SPATA6L: variants seen among roughly 807,000 people sequenced by gnomAD.
The protein encoded by SPATA6L is spermatogenesis associated 6-like protein.
In SPATA6L, 68 loss-of-function variants were observed where a neutral mutation model predicts 49.2. The observed-to-expected ratio is 1.38, with a 90% CI of 1.14 to 1.69. The LOEUF is 1.69. Ranked by LOEUF, SPATA6L falls within the 40% of genes most tolerant of loss-of-function variation. SPATA6L has a pLI of 0.00. For missense variants in SPATA6L, 668 were observed against 464.3 expected (o/e 1.44, Z -4.03); for synonymous variants, 198 against 165.7 (o/e 1.19, Z -1.50).
At chr9:4,616,783 C>T (rs923931053) in intron 9 of SPATA6L, among the ~76,000 whole-genome samples, 8 of 152,296 alleles carry the variant, frequency 5.3e-5, no homozygotes, top group South Asian at 2.1e-4. Context: ...CAGGGTTTCT[C>T]CATGTTGGTC....
At chr9:4,663,341 C>T (rs905406469) in intron 1 of SPATA6L, 3 of 1,432,016 alleles carry the variant, frequency 2.1e-6, no homozygotes, top group Non-Finnish European at 2.9e-6. Flanking sequence ...CAGCAGCCAT[C>T]CCGCTTGTCC....
intron 5 of SPATA6L, chr9:4,628,688 C>T (rs1032461515): frequency 2.4e-5 from 4 of 166,040 alleles, no homozygotes; most frequent in South Asian, 1.6e-4. Flanking sequence ...CTCAGGTGAT[C>T]CACCTGCCTC....
rs760841863 is a variant in SPATA6L, at chr9:4,662,410, C to G, written c.40-374G>C. On this transcript the variant is annotated intron_variant, in intron 1 of 11. Transcript: ENST00000682582. The surrounding 1 kb of genome is among the most constrained non-coding windows in gnomAD (Gnocchi z 4.9). The stretch of plus-strand genomic sequence containing the variant: ...CCCCGGAGGAGCATGGAGGGACGGC[C>G]GCTGGGCGTCTCCGCTTCGAGCAGC... The G allele has an allele frequency of 2.6e-6, 4 of 1,536,326 alleles. No homozygotes were observed. Among genetic ancestry groups the G allele is most frequent in the Non-Finnish European group, 3.5e-6 (4 of 1,149,396 alleles).
chr9:4,605,935 C>T (rs535234328), intron 9 of SPATA6L, among the ~76,000 whole-genome samples: 162 of 152,200 alleles, frequency 1.1e-3, no homozygotes, highest in Non-Finnish European at 2.0e-3. Flanking sequence ...AGACAGTGGG[C>T]GCAGGCCAGT....
At chr9:4,622,632 G>T in intron 6 of SPATA6L, 122 bp from the exon 7 acceptor site, 1 of 653,106 alleles carries the variant, frequency 1.5e-6, no homozygotes, top group East Asian at 2.7e-5. Context: ...AAGAAGGCTG[G>T]AAAACCACCT....
intron 5 of SPATA6L, chr9:4,627,765 A>G: frequency 1.6e-6 from 2 of 1,289,376 alleles, no homozygotes; most frequent in South Asian, 1.2e-5. Flanking sequence ...AAGACGGACC[A>G]TGAATACAAT....
intron 6 of SPATA6L, among the ~76,000 whole-genome samples, chr9:4,623,933 C>G (rs968865089): frequency 1.3e-5 from 2 of 152,164 alleles, no homozygotes; most frequent in Admixed American, 6.5e-5. Flanking sequence ...TCCAGGCCAC[C>G]AAGCAACAGC....
intron 3 of SPATA6L, among the ~76,000 whole-genome samples, chr9:4,649,142 G>C (rs1836219501): frequency 6.6e-6 from 1 of 151,886 alleles, no homozygotes; most frequent in Non-Finnish European, 1.5e-5. Flanking sequence ...CATTTGGATT[G>C]GTTCCACATT....
Position 4,616,864 on chromosome 9 carries a change from C to A in SPATA6L, c.995+1059G>T, listed in dbSNP as rs142788851. ...CCTCCCAAACTGCTGGGATTATAGG[C>A]ATGAGCCACCGTGCCCAGCCGGAGC... On this transcript the variant is annotated intron_variant, in intron 9 of 11. Coordinates refer to ENST00000682582, the MANE Select transcript of SPATA6L (RefSeq NM_001353486.2). 6.2e-3 allele frequency among the ~76,000 whole-genome samples: 949 copies of A among 152,270 alleles called. 14 individuals carry two copies. The highest frequency in any genetic ancestry group is 0.022 in the African/African-American group (911 of 41,534).
intron 3 of SPATA6L, among the ~76,000 whole-genome samples, chr9:4,642,184 A>C (rs1223877434): frequency 6.6e-6 from 1 of 152,212 alleles, no homozygotes; most frequent in Non-Finnish European, 1.5e-5. Context: ...GGTATTGAGT[A>C]ACTTTTTTAA....
rs749056266 is a variant in SPATA6L, at chr9:4,625,438, C to T, written c.558G>A (p.Ala186=). ...AATGCCTGGTAGAATATTGAGAGGG[C>T]GCCCGGGCTTGCATGCCTTTGGGCA... The part of the protein sequence containing the change: ...NRLPKGMQAR[A]PSQYSTRHFF... Residue 186 remains alanine (A), a synonymous_variant, in exon 6 of 12, where the codon GCG becomes GCA. Transcript: ENST00000682582. 1.8e-5 allele frequency: 29 copies of T among 1,613,958 alleles called. No individual in the cohort carries two copies. The highest frequency in any genetic ancestry group is 3.3e-5 in the Admixed American group (2 of 59,998).
chr9:4,666,317 T>G lies in SPATA6L; in HGVS notation c.-67A>C. On this transcript the variant is annotated 5_prime_UTR_variant, in exon 1 of 12. Coordinates refer to ENST00000682582, the MANE Select transcript of SPATA6L (RefSeq NM_001353486.2). ...TTTGTGCCGAGCCTTGGACCAATTT[T>G]TCTTAGTTTAGCTGAATACCTAGAG... is the stretch of plus-strand genomic sequence containing the variant. 42 of 1,578,764 alleles carry G rather than the reference T, an allele frequency of 2.7e-5. No homozygotes were observed. Among genetic ancestry groups the G allele is most frequent in the Non-Finnish European group, 3.6e-5 (41 of 1,149,128 alleles).
At chr9:4,661,362 C>G (rs187865674) in intron 2 of SPATA6L, among the ~76,000 whole-genome samples, 34 of 152,256 alleles carry the variant, frequency 2.2e-4, no homozygotes, top group African/African-American at 8.2e-4. Flanking sequence ...AATGTTTTGA[C>G]TATTTATATC....
chr9:4,638,844 G>C (rs1401589647), intron 3 of SPATA6L, among the ~76,000 whole-genome samples: 1 of 150,854 alleles, frequency 6.6e-6, no homozygotes, highest in African/African-American at 2.4e-5. Flanking sequence ...GAGTGCAATG[G>C]CGTAGTCTCA....
chr9:4,655,257 T>C (rs1259849990), intron 3 of SPATA6L, among the ~76,000 whole-genome samples: 1 of 152,244 alleles, frequency 6.6e-6, no homozygotes, highest in Non-Finnish European at 1.5e-5. Flanking sequence ...TGGATGAATC[T>C]TGAAAACATT....
intron 3 of SPATA6L, chr9:4,646,548 A>G (rs1464553867): frequency 2.1e-6 from 3 of 1,461,856 alleles, no homozygotes; most frequent in Admixed American, 5.0e-5. Flanking sequence ...AAAAAATGAG[A>G]TTTTAATACT....
downstream of SPATA6L, among the ~76,000 whole-genome samples, chr9:4,597,984 C>T (rs1048481220): frequency 6.6e-6 from 1 of 152,194 alleles, no homozygotes; most frequent in Admixed American, 6.5e-5. Context: ...CACACACATA[C>T]CCATCAGTCT....
At chr9:4,611,923 A>T (rs1381162678) in intron 9 of SPATA6L, among the ~76,000 whole-genome samples, 1 of 152,052 alleles carries the variant, frequency 6.6e-6, no homozygotes, top group Non-Finnish European at 1.5e-5. Flanking sequence ...AGCTCACTGC[A>T]ACCTTGAACT....
Position 4,635,414 on chromosome 9 carries a change from G to A in SPATA6L, c.227-15C>T. On this transcript the variant is annotated splice_polypyrimidine_tract_variant and intron_variant, in intron 3 of 11. Coordinates refer to ENST00000682582, the MANE Select transcript of SPATA6L (RefSeq NM_001353486.2). ...CTCATCCCACACTAGAAAGAAAATA[G>A]AAAAAGCATAAATATCTGTATTTAC... is the stretch of plus-strand genomic sequence containing the variant. 1 of 1,570,604 alleles carries A rather than the reference G, an allele frequency of 6.4e-7. No individual in the cohort carries two copies. The highest frequency in any genetic ancestry group is 2.1e-5 in the Admixed American group (1 of 47,316).
Sources: gnomAD v4.1 joint callset for allele counts (sites outside exome capture counted in the v4.1 genomes callset) on GRCh38, gnomAD v4.1.1 for gene constraint, Gnocchi (gnomAD v3.1) non-coding constraint, MANE v1.5 for transcripts, NCBI Gene and HGNC (gene_info 2026-07-23, HGNC 2026-07-21) for gene names.